KCND2: variants seen among roughly 807,000 people sequenced by gnomAD.
KCND2 encodes the protein A-type voltage-gated potassium channel KCND2.
In KCND2, 16 loss-of-function variants were observed where a neutral mutation model predicts 54.4. The observed-to-expected ratio is 0.29, with a 90% CI of 0.20 to 0.45. The LOEUF (loss-of-function observed/expected upper bound fraction) is 0.45. Ranked by LOEUF, KCND2 falls within the 20% of genes least tolerant of loss-of-function variation. The pLI is 1.00. For synonymous variants in KCND2, 317 were observed against 310.7 expected (o/e 1.02, Z -0.21); for missense variants, 486 against 824.2 (o/e 0.59, Z 5.02).
chr7:120,502,853 G>A (rs1802956391), intron 1 of KCND2, among the ~76,000 whole-genome samples: 1 of 151,934 alleles, frequency 6.6e-6, no homozygotes, highest in Admixed American at 6.6e-5. Context: ...AGGTGAAGTG[G>A]GAATCGCTCT....
chr7:120,470,054 C>T (rs933869966), intron 1 of KCND2, among the ~76,000 whole-genome samples: 5 of 151,942 alleles, frequency 3.3e-5, no homozygotes, highest in Admixed American at 3.3e-4. Context: ...TTATTTTTTT[C>T]ACTTGCTTAG....
intron 1 of KCND2, among the ~76,000 whole-genome samples, chr7:120,293,263 A>G (rs538199764): frequency 6.6e-6 from 1 of 152,118 alleles, no homozygotes; most frequent in South Asian, 2.1e-4. Flanking sequence ...ACAATGGACA[A>G]TATTCTTCTG....
intron 1 of KCND2, chr7:120,463,901 T>TGATTGATAGATA (rs5886988): frequency 6.2e-6 from 1 of 161,754 alleles, no homozygotes; most frequent in African/African-American, 2.6e-5. Flanking sequence ...GATAGATGAT[T>TGATTGATAGATA]GATAGATAGA....
intron 1 of KCND2, among the ~76,000 whole-genome samples, chr7:120,621,371 C>T (rs1179097477): frequency 6.0e-5 from 9 of 150,782 alleles, no homozygotes. Context: ...CACTTCATAG[C>T]CTTTTATCTG....
chr7:120,651,543 T>C (rs759905306), intron 1 of KCND2, among the ~76,000 whole-genome samples: 1 of 152,172 alleles, frequency 6.6e-6, no homozygotes, highest in Non-Finnish European at 1.5e-5. Context: ...GAAAGGGAAT[T>C]CCCTGACATC....
At chr7:120,696,995 C>T (rs528640562) in intron 1 of KCND2, among the ~76,000 whole-genome samples, 73 of 152,106 alleles carry the variant, frequency 4.8e-4, no homozygotes, top group Non-Finnish European at 6.0e-4. Flanking sequence ...CTGCAAATAA[C>T]GACATTATCT....
At chr7:120,746,189 C>T (rs1439573374) in intron 5 of KCND2, among the ~76,000 whole-genome samples, 162 bp downstream of exon 5, 1 of 152,124 alleles carries the variant, frequency 6.6e-6, no homozygotes, top group Non-Finnish European at 1.5e-5. Context: ...GTTCTGCTTG[C>T]ATATCCATTA....
intron 1 of KCND2, among the ~76,000 whole-genome samples, chr7:120,614,354 GC>G (rs1792995501): frequency 6.6e-6 from 1 of 152,132 alleles, no homozygotes; most frequent in Non-Finnish European, 1.5e-5. Flanking sequence ...AAAGCTCAAT[GC>G]CTTAAACAGT....
At chr7:120,391,457 G>C (rs1310934202) in intron 1 of KCND2, among the ~76,000 whole-genome samples, 2 of 152,004 alleles carry the variant, frequency 1.3e-5, no homozygotes, top group Admixed American at 1.3e-4. Context: ...GGGTCAAATG[G>C]TATTTCTGGT....
intron 1 of KCND2, among the ~76,000 whole-genome samples, chr7:120,367,901 C>T (rs1208357354): frequency 1.3e-5 from 2 of 152,040 alleles, no homozygotes; most frequent in Non-Finnish European, 2.9e-5. Context: ...TGCATTCTTC[C>T]TGACAAATAT....
chr7:120,653,024 CAG>C (rs754132554), intron 1 of KCND2, among the ~76,000 whole-genome samples: 6 of 151,868 alleles, frequency 4.0e-5, no homozygotes, highest in African/African-American at 1.2e-4. Flanking sequence ...ATCCACTAAA[CAG>C]TGGTGTGTGT....
intron 1 of KCND2, among the ~76,000 whole-genome samples, chr7:120,349,776 A>G (rs1250011895): frequency 6.6e-6 from 1 of 152,056 alleles, no homozygotes; most frequent in East Asian, 1.9e-4. Flanking sequence ...TGGATCTTTA[A>G]TTTTGTTAAT....
At chr7:120,427,740 G>A (rs1052709298) in intron 1 of KCND2, among the ~76,000 whole-genome samples, 2 of 152,000 alleles carry the variant, frequency 1.3e-5, no homozygotes, top group African/African-American at 4.8e-5. Context: ...TCAAAAATCA[G>A]GATTCTTGTT....
chr7:120,538,768 C>A (rs1044169672), intron 1 of KCND2, among the ~76,000 whole-genome samples: 1 of 152,100 alleles, frequency 6.6e-6, no homozygotes, highest in South Asian at 2.1e-4. Flanking sequence ...GGCAGGAGGC[C>A]GATATGGACC....
At chr7:120,426,863 G>A (rs957867652) in intron 1 of KCND2, among the ~76,000 whole-genome samples, 28 of 152,096 alleles carry the variant, frequency 1.8e-4, no homozygotes, top group Admixed American at 2.0e-4. Flanking sequence ...CTCGTGATCC[G>A]CCCGCTTCAG....
intron 1 of KCND2, among the ~76,000 whole-genome samples, chr7:120,544,136 A>C (rs531862842): frequency 6.6e-6 from 1 of 152,132 alleles, no homozygotes; most frequent in Admixed American, 6.6e-5. Flanking sequence ...GCTACCAAGA[A>C]AAAATGAAGA....
intron 1 of KCND2, among the ~76,000 whole-genome samples, chr7:120,365,940 A>C (rs187366678): frequency 6.6e-6 from 1 of 152,276 alleles, no homozygotes; most frequent in Non-Finnish European, 1.5e-5. Context: ...ACATTTAAAA[A>C]TATTATTACA....
chr7:120,363,248 A>G (rs1359893548), intron 1 of KCND2, among the ~76,000 whole-genome samples: 1 of 152,036 alleles, frequency 6.6e-6, no homozygotes, highest in Non-Finnish European at 1.5e-5. Flanking sequence ...ATGAGCTTTT[A>G]TTGTGTCACT....
At chr7:120,302,650 T>C (rs548008067) in intron 1 of KCND2, among the ~76,000 whole-genome samples, 1 of 152,344 alleles carries the variant, frequency 6.6e-6, no homozygotes, top group South Asian at 2.1e-4. Context: ...AATGTTGGAA[T>C]TTAAAAGAGT....
Sources: gnomAD v4.1 joint callset for allele counts (sites outside exome capture counted in the v4.1 genomes callset) on GRCh38, gnomAD v4.1.1 for gene constraint, MANE v1.5 for transcripts, NCBI Gene and HGNC (gene_info 2026-07-23, HGNC 2026-07-21) for gene names.